CNTNAP2: variants seen among roughly 807,000 people sequenced by gnomAD.
CNTNAP2 encodes the protein contactin-associated protein-like 2.
CNTNAP2 carries 98 observed loss-of-function variants against 155.2 expected under a neutral mutation model. The ratio of observed to expected loss-of-function variants is 0.63; its 90% confidence interval spans 0.54 to 0.75. The LOEUF (loss-of-function observed/expected upper bound fraction) is 0.75, where lower values mean the gene tolerates loss of function less well. Ranked by LOEUF, CNTNAP2 falls within the 30% of genes least tolerant of loss-of-function variation. The pLI is 0.00. For synonymous variants in CNTNAP2, 651 were observed against 631.2 expected (o/e 1.03, Z -0.47); for missense variants, 1,727 against 1,688.1 (o/e 1.02, Z -0.40).
chr7:147,696,457 TAAC>T (rs1796162354), intron 13 of CNTNAP2, among the ~76,000 whole-genome samples: 1 of 152,196 alleles, frequency 6.6e-6, no homozygotes, highest in African/African-American at 2.4e-5. Context: ...TACTTTATAA[TAAC>T]AAAATATTTT....
intron 13 of CNTNAP2, among the ~76,000 whole-genome samples, chr7:147,727,766 G>A: frequency 9.5e-6 from 1 of 105,692 alleles, no homozygotes; most frequent in South Asian, 3.0e-4. Context: ...TTTTTTTCCT[G>A]CGCTCACTGC....
intron 20 of CNTNAP2, among the ~76,000 whole-genome samples, chr7:148,266,007 G>C (rs1395456092): frequency 6.6e-6 from 1 of 152,158 alleles, no homozygotes; most frequent in Admixed American, 6.5e-5. Flanking sequence ...ATCAGGCCCA[G>C]TTTGAGCAAG....
At chr7:147,403,034 T>C (rs917659278) in intron 10 of CNTNAP2, among the ~76,000 whole-genome samples, 1 of 151,292 alleles carries the variant, frequency 6.6e-6, no homozygotes, top group Non-Finnish European at 1.5e-5. Flanking sequence ...GATAGAATAG[T>C]CTCTTTAAGT....
At chr7:146,351,200 T>A (rs865841116) in intron 1 of CNTNAP2, among the ~76,000 whole-genome samples, 6 of 151,726 alleles carry the variant, frequency 4.0e-5, no homozygotes, top group Middle Eastern at 3.4e-3. Context: ...TTAAAAAAAA[T>A]TTTCATGTGA....
chr7:146,624,103 G>A (rs1253232868), intron 1 of CNTNAP2, among the ~76,000 whole-genome samples: 1 of 151,848 alleles, frequency 6.6e-6, no homozygotes, highest in Non-Finnish European at 1.5e-5. Context: ...GCCCAATTTA[G>A]TAATTGGGCT....
At chr7:146,452,266 T>C (rs1197126491) in intron 1 of CNTNAP2, among the ~76,000 whole-genome samples, 1 of 152,130 alleles carries the variant, frequency 6.6e-6, no homozygotes, top group Non-Finnish European at 1.5e-5. Context: ...ATAATTGTTT[T>C]ATTATTATTT....
intron 1 of CNTNAP2, among the ~76,000 whole-genome samples, chr7:146,472,267 G>A (rs1427215823): frequency 6.6e-6 from 1 of 152,028 alleles, no homozygotes; most frequent in East Asian, 1.9e-4. Context: ...TAACAAATGA[G>A]TCCACATTTA....
intron 1 of CNTNAP2, among the ~76,000 whole-genome samples, chr7:146,405,418 A>G (rs796871123): frequency 3.3e-5 from 5 of 152,344 alleles, no homozygotes; most frequent in African/African-American, 1.2e-4. Flanking sequence ...AATGCATGTT[A>G]TGCAATAATA....
rs906200132 is a variant in CNTNAP2 at position 146,494,782 on chromosome 7, T to G, written c.98-279489T>G. 3.3e-5 allele frequency among the ~76,000 whole-genome samples: 5 copies of G among 152,264 alleles called. No individual in the cohort carries two copies. The South Asian group carries it at 1.0e-3, about 31-fold the overall frequency. The stretch of plus-strand genomic sequence containing the variant: ...ATACCCCCTTTAAAAGATGGAATGC[T>G]TTAAAATACATTTACTACATAGGCA... On this transcript the variant is annotated intron_variant, in intron 1 of 23. Coordinates refer to ENST00000361727, the MANE Select transcript of CNTNAP2 (RefSeq NM_014141.6).
At chr7:147,643,633 TGTA>T (rs1795321389) in intron 13 of CNTNAP2, among the ~76,000 whole-genome samples, 1 of 152,216 alleles carries the variant, frequency 6.6e-6, no homozygotes, top group African/African-American at 2.4e-5. Context: ...TTAGAACTTC[TGTA>T]GTAGTACTTG....
intron 2 of CNTNAP2, among the ~76,000 whole-genome samples, chr7:146,804,039 C>G (rs1418616705): frequency 6.6e-6 from 1 of 152,090 alleles, no homozygotes; most frequent in Non-Finnish European, 1.5e-5. Context: ...CAGCATTGTT[C>G]AGTTTTCCCC....
intron 3 of CNTNAP2, among the ~76,000 whole-genome samples, chr7:146,957,198 A>C (rs937074795): frequency 9.9e-5 from 15 of 152,204 alleles, no homozygotes; most frequent in Non-Finnish European, 2.1e-4. Flanking sequence ...TCAGCATGTT[A>C]CTGTAGTGAA....
At chr7:147,173,543 C>T (rs556755814) in intron 8 of CNTNAP2, among the ~76,000 whole-genome samples, 1 of 152,182 alleles carries the variant, frequency 6.6e-6, no homozygotes, top group East Asian at 1.9e-4. Context: ...CAGAAAGAGA[C>T]CCAGCTGGCA....
intron 1 of CNTNAP2, among the ~76,000 whole-genome samples, chr7:146,226,565 G>A (rs1799296225): frequency 1.3e-5 from 2 of 152,034 alleles, no homozygotes; most frequent in South Asian, 4.1e-4. Flanking sequence ...AGGCTGAGGT[G>A]GAAAGGATTG....
chr7:146,482,425 G>T (rs1796975831), intron 1 of CNTNAP2, among the ~76,000 whole-genome samples: 1 of 151,460 alleles, frequency 6.6e-6, no homozygotes, highest in Admixed American at 6.6e-5. Flanking sequence ...ATATATCTGT[G>T]CATGTGTATA....
chr7:147,617,899 A>G (rs1348136552), intron 12 of CNTNAP2, among the ~76,000 whole-genome samples: 1 of 152,178 alleles, frequency 6.6e-6, no homozygotes, highest in African/African-American at 2.4e-5. Context: ...TCCTCTGGAT[A>G]CATGCTTGTA....
intron 8 of CNTNAP2, chr7:147,146,546 A>G (rs1012327533): frequency 3.3e-5 from 5 of 152,472 alleles, no homozygotes; most frequent in African/African-American, 1.2e-4. Context: ...AAAACAGATT[A>G]TAAATGTATG....
intron 3 of CNTNAP2, among the ~76,000 whole-genome samples, chr7:146,934,995 A>G (rs1279141092): frequency 1.3e-5 from 2 of 152,236 alleles, no homozygotes; most frequent in Non-Finnish European, 2.9e-5. Context: ...TGTGACATTG[A>G]TGATGAAACC....
At chr7:147,031,299 T>C (rs950173516) in intron 3 of CNTNAP2, among the ~76,000 whole-genome samples, 4 of 152,198 alleles carry the variant, frequency 2.6e-5, no homozygotes, top group Non-Finnish European at 5.9e-5. Flanking sequence ...TCTGATGCTA[T>C]ATTAGATTAT....
Sources: allele counts gnomAD v4.1 joint callset (sites outside exome capture counted in the v4.1 genomes callset), GRCh38; gene constraint gnomAD v4.1.1; transcripts MANE v1.5; gene names NCBI Gene and HGNC (gene_info 2026-07-23, HGNC 2026-07-21).